CSMD1: variants seen among roughly 807,000 people sequenced by gnomAD.
CSMD1 encodes CUB and Sushi multiple domains 1.
A neutral mutation model predicts 417.5 loss-of-function variants in CSMD1; 213 were observed. The ratio of observed to expected loss-of-function variants is 0.51; its 90% CI spans 0.46 to 0.57. The LOEUF is 0.57. Among genes scored for constraint, CSMD1 ranks in the 20% least tolerant of loss-of-function variants. The pLI, the probability that CSMD1 is intolerant of heterozygous loss-of-function variation, is 0.00. For missense variants in CSMD1, 6,923 were observed against 4,529.7 expected (o/e 1.53, Z -15.17); for synonymous variants, 2,862 against 1,736.8 (o/e 1.65, Z -16.11).
intron 33 of CSMD1, among the ~76,000 whole-genome samples, chr8:3,199,167 G>C (rs1008755340): frequency 1.3e-5 from 2 of 152,210 alleles, no homozygotes; most frequent in South Asian, 2.1e-4. Context: ...TAAATTAAAA[G>C]ATAAGTATAA....
chr8:4,878,865 C>T (rs1354373005), intron 1 of CSMD1, among the ~76,000 whole-genome samples: 1 of 150,434 alleles, frequency 6.6e-6, no homozygotes, highest in South Asian at 2.1e-4. Flanking sequence ...CAGGATAAGG[C>T]AGAACCCAGA....
chr8:3,415,804 T>G (rs919773458), intron 12 of CSMD1, among the ~76,000 whole-genome samples: 5 of 152,232 alleles, frequency 3.3e-5, no homozygotes, highest in African/African-American at 1.2e-4. Flanking sequence ...AGTATACAAG[T>G]AATAAATGGA....
At position 4,233,056 on chromosome 8, in the gene CSMD1, G is replaced by C. The variant is rs189288567; in HGVS notation, c.415+186897C>G. On this transcript the variant is annotated intron_variant, in intron 3 of 69. Transcript: ENST00000635120. ...AAAACCACAAGGATATGTTGCTCTA[G>C]GTTTATTAAAGCTCATTGTTCTGTG... Among the ~76,000 whole-genome samples, 9 of 152,274 alleles carry C rather than the reference G, an allele frequency of 5.9e-5. No individual in the cohort carries two copies. In the East Asian group the frequency reaches 1.4e-3, roughly 23 times the overall value.
chr8:4,373,599 C>T (rs551357098), intron 3 of CSMD1, among the ~76,000 whole-genome samples: 10 of 152,186 alleles, frequency 6.6e-5, no homozygotes, highest in South Asian at 2.1e-4. Context: ...TTCCTATGTG[C>T]GATGGTGATT....
intron 49 of CSMD1, among the ~76,000 whole-genome samples, chr8:3,057,758 C>T (rs935799429): frequency 2.0e-5 from 3 of 152,148 alleles, no homozygotes; most frequent in Non-Finnish European, 4.4e-5. Flanking sequence ...TTTCTCATCC[C>T]ATTACTAAAG....
intron 5 of CSMD1, among the ~76,000 whole-genome samples, chr8:3,954,516 A>G (rs1220152692): frequency 6.6e-6 from 1 of 152,012 alleles, no homozygotes; most frequent in Non-Finnish European, 1.5e-5. Flanking sequence ...ACAGGCACCC[A>G]CCACCACTCC....
At chr8:4,831,560 A>C (rs189563939) in intron 1 of CSMD1, among the ~76,000 whole-genome samples, 2 of 152,246 alleles carry the variant, frequency 1.3e-5, no homozygotes, top group East Asian at 3.9e-4. Context: ...CCAAGGGTTT[A>C]AGGAACTCTT....
chr8:4,158,089 C>CTT (rs57117925), intron 3 of CSMD1, among the ~76,000 whole-genome samples: 7 of 142,012 alleles, frequency 4.9e-5, no homozygotes, highest in African/African-American at 1.8e-4. Context: ...CAAGAAAACC[C>CTT]TTTTTTTTTT....
At chr8:4,013,701 T>A (rs1450200120) in intron 4 of CSMD1, among the ~76,000 whole-genome samples, 2 of 152,240 alleles carry the variant, frequency 1.3e-5, no homozygotes, top group African/African-American at 4.8e-5. Flanking sequence ...GTTCATATTG[T>A]AGCCCCAGCA....
At chr8:4,473,952 G>T (rs867932180) in intron 2 of CSMD1, among the ~76,000 whole-genome samples, 3 of 152,088 alleles carry the variant, frequency 2.0e-5, no homozygotes, top group South Asian at 4.1e-4. Context: ...GTTTTCTACT[G>T]GGGGGAGGAT....
At chr8:4,440,142 T>C (rs1431411147) in intron 2 of CSMD1, among the ~76,000 whole-genome samples, 4 of 152,174 alleles carry the variant, frequency 2.6e-5, no homozygotes, top group African/African-American at 9.7e-5. Context: ...TTGGTGTAAA[T>C]TTCTTGCTAA....
At chr8:3,265,664 G>T (rs571909126) in intron 26 of CSMD1, among the ~76,000 whole-genome samples, 1 of 152,196 alleles carries the variant, frequency 6.6e-6, no homozygotes, top group Non-Finnish European at 1.5e-5. Context: ...ACATGAGGTC[G>T]TGCTAGGATT....
chr8:3,440,337 G>C (rs1585168234), intron 12 of CSMD1, among the ~76,000 whole-genome samples: 1 of 152,074 alleles, frequency 6.6e-6, no homozygotes, highest in South Asian at 2.1e-4. Flanking sequence ...GCATTGTATA[G>C]TTTTCAGTCT....
intron 26 of CSMD1, among the ~76,000 whole-genome samples, chr8:3,263,253 C>T (rs1801208714): frequency 1.3e-5 from 2 of 152,150 alleles, no homozygotes; most frequent in African/African-American, 2.4e-5. Flanking sequence ...TGTGTGCCAC[C>T]ACATCTGGCT....
intron 41 of CSMD1, among the ~76,000 whole-genome samples, chr8:3,136,985 T>C (rs1818139694): frequency 6.6e-6 from 1 of 152,222 alleles, no homozygotes; most frequent in Non-Finnish European, 1.5e-5. Flanking sequence ...AGATAATAAT[T>C]GCACATATTC....
At chr8:3,638,541 G>C (rs185490756) in intron 7 of CSMD1, among the ~76,000 whole-genome samples, 2 of 152,164 alleles carry the variant, frequency 1.3e-5, no homozygotes, top group African/African-American at 4.8e-5. Flanking sequence ...GAGTAGCAGA[G>C]ATTACAGAGG....
At chr8:4,546,407 T>C (rs1162520917) in intron 2 of CSMD1, among the ~76,000 whole-genome samples, 1 of 152,146 alleles carries the variant, frequency 6.6e-6, no homozygotes, top group African/African-American at 2.4e-5. Flanking sequence ...CTAGAAGATA[T>C]TAGAGTTTGA....
intron 5 of CSMD1, among the ~76,000 whole-genome samples, chr8:3,882,293 C>G (rs903274281): frequency 6.6e-6 from 1 of 152,160 alleles, no homozygotes; most frequent in Non-Finnish European, 1.5e-5. Context: ...AATAAACACA[C>G]AAAGTCATTC....
At chr8:4,633,623 C>G (rs1802666521) in intron 2 of CSMD1, among the ~76,000 whole-genome samples, 1 of 152,098 alleles carries the variant, frequency 6.6e-6, no homozygotes, top group Non-Finnish European at 1.5e-5. Context: ...GTGGCATGAT[C>G]TGCACTCACT....
Sources: allele counts gnomAD v4.1 joint callset (sites outside exome capture counted in the v4.1 genomes callset), GRCh38; gene constraint gnomAD v4.1.1; transcripts MANE v1.5; gene names NCBI Gene and HGNC (gene_info 2026-07-23, HGNC 2026-07-21).